MEGF11: variants seen among roughly 807,000 people sequenced by gnomAD.
MEGF11 encodes multiple epidermal growth factor-like domains protein 11.
Under a neutral mutation model 146.6 loss-of-function variants are expected in MEGF11, and 126 were observed. That is an observed-to-expected ratio of 0.86 (90% CI 0.74 to 1.00). The LOEUF (loss-of-function observed/expected upper bound fraction) is 1.00. Among genes scored for constraint, MEGF11 ranks in the 50% least tolerant of loss-of-function variants. MEGF11 has a pLI of 0.00. For synonymous variants in MEGF11, 532 were observed against 583.4 expected (o/e 0.91, Z 1.27); for missense variants, 1,509 against 1,521.2 (o/e 0.99, Z 0.13).
At chr15:65,942,752 T>G (rs1293346821) in intron 10 of MEGF11, among the ~76,000 whole-genome samples, 1 of 151,966 alleles carries the variant, frequency 6.6e-6, no homozygotes, top group African/African-American at 2.4e-5. Flanking sequence ...GGGGTGAGGA[T>G]GGTTATGGCC....
At chr15:66,109,573 G>A (rs2087277506) in intron 4 of MEGF11, among the ~76,000 whole-genome samples, 1 of 152,218 alleles carries the variant, frequency 6.6e-6, no homozygotes, top group Admixed American at 6.5e-5. Context: ...AGATGAGAAA[G>A]CCGAGGTATG....
intron 9 of MEGF11, among the ~76,000 whole-genome samples, chr15:65,961,404 A>G (rs2080852953): frequency 6.6e-6 from 1 of 152,216 alleles, no homozygotes; most frequent in African/African-American, 2.4e-5. Flanking sequence ...TTCAGCTGCT[A>G]TGAGATTTCT....
At chr15:66,113,905 G>T (rs149790318) in intron 4 of MEGF11, among the ~76,000 whole-genome samples, 4 of 151,596 alleles carry the variant, frequency 2.6e-5, no homozygotes, top group African/African-American at 9.7e-5. Flanking sequence ...AAAAGAAACC[G>T]TTGCCTAGTG....
In MEGF11 at chr15:65,993,169, C is replaced by T. The variant is rs192388042; in HGVS notation, c.395-10681G>A. Among the ~76,000 whole-genome samples, 3 of 152,324 alleles carry T rather than the reference C, an allele frequency of 2.0e-5. No homozygotes were observed. The East Asian group carries it at 5.8e-4, about 29-fold the overall frequency. On this transcript the variant is annotated intron_variant, in intron 5 of 25. Coordinates refer to ENST00000395614, the MANE Select transcript of MEGF11 (RefSeq NM_001385028.1). ...TCCAAGTCAGCACTCATGCACCACC[C>T]CCAACCTCTGTCCTGTGGCATTTAT...
At chr15:66,130,730 G>GAGGAAGGAAGGAAGGAAGGAAGGAAGGA (rs137881134) in intron 1 of MEGF11, among the ~76,000 whole-genome samples, 3 of 141,068 alleles carry the variant, frequency 2.1e-5, no homozygotes, top group Admixed American at 7.2e-5. Flanking sequence ...AAGAGGGAGG[G>GAGGAAGGAAGGAAGGAAGGAAGGAAGGA]AGGAAGGAAG....
rs138267008 is a variant in MEGF11 at position 66,123,919 on chromosome 15, C to A, written c.180G>T (p.Trp60Cys). Residue 60 changes from tryptophan to cysteine, a missense_variant, in exon 3 of 26, where the codon TGG (tryptophan) becomes TGT (cysteine). Trp to Cys is a radical substitution (Grantham distance 215, BLOSUM62 -2). Transcript: ENST00000395614. ...YYTRCTDILNWFKCTRHRISY... is the reference protein window; with the variant it reads ...YYTRCTDILNCFKCTRHRISY... ...CTCACCGGTGCCTGGTGCACTTGAA[C>A]CAGTTGAGGATGTCTGTGCATCGTG... The A allele has an allele frequency of 2.5e-6, 4 of 1,613,934 alleles. No individual in the cohort carries two copies. The highest frequency in any genetic ancestry group is 3.4e-6 in the Non-Finnish European group (4 of 1,179,790).
chr15:65,976,720 G>T (rs2081460861), intron 7 of MEGF11, among the ~76,000 whole-genome samples: 1 of 152,230 alleles, frequency 6.6e-6, no homozygotes, highest in Admixed American at 6.5e-5. Flanking sequence ...AGTTAAGTGT[G>T]TATCTCCAAT....
chr15:66,009,642 G>A (rs1240743940), intron 5 of MEGF11, among the ~76,000 whole-genome samples: 1 of 150,928 alleles, frequency 6.6e-6, no homozygotes, highest in South Asian at 2.1e-4. Flanking sequence ...GCCCAGGCTG[G>A]AGTGCAGTGG....
chr15:66,242,259 A>C (rs763324533), intron 1 of MEGF11, among the ~76,000 whole-genome samples: 4 of 151,828 alleles, frequency 2.6e-5, no homozygotes, highest in Non-Finnish European at 5.9e-5. Context: ...AAAATAAAAA[A>C]TTATCCTGGC....
intron 24 of MEGF11, among the ~76,000 whole-genome samples, chr15:65,904,998 T>C (rs2078584959): frequency 6.6e-6 from 1 of 152,214 alleles, no homozygotes; most frequent in South Asian, 2.1e-4. Context: ...CTTCAAGCAA[T>C]TCTTGTGCCT....
chr15:65,898,011 G>A lies in MEGF11; in HGVS notation c.3346C>T (p.His1116Tyr). The A allele has an allele frequency of 6.2e-7, 1 of 1,613,880 alleles. No individual in the cohort carries two copies. The highest frequency in any genetic ancestry group is 1.1e-5 in the South Asian group (1 of 91,072). ...AGGAGGTCATAATGACCAGGAATAT[G>A]GCTGTTCCTAGGTAGGTCGTATGCA... is the stretch of plus-strand genomic sequence containing the variant. ...QNAYDLPRNS[H>Y]IPGHYDLLPV... The change falls in exon 26 of 26, where the codon CAT (histidine) becomes TAT (tyrosine). Residue 1116 changes from histidine to tyrosine, a missense_variant. Transcript: ENST00000395614.
chr15:66,044,869 A>G lies in MEGF11; in HGVS notation c.394+49533T>C, dbSNP rs1015322782. Among the ~76,000 whole-genome samples, 129 of 150,332 alleles carry G rather than the reference A, an allele frequency of 8.6e-4. 4 individuals carry two copies. In the East Asian group the frequency reaches 0.019, roughly 22 times the overall value. Reference sequence around the variant, plus strand: ...TTATCTCAAAAAAAAAAAAAAAAAAAAAAAAAAAAAAGAAATTGAACTGGA... The same window carrying G: ...TTATCTCAAAAAAAAAAAAAAAAAAGAAAAAAAAAAAGAAATTGAACTGGA... On this transcript the variant is annotated intron_variant, in intron 5 of 25. Coordinates refer to ENST00000395614, the MANE Select transcript of MEGF11 (RefSeq NM_001385028.1).
chr15:66,220,242 C>A (rs947892727), intron 1 of MEGF11, among the ~76,000 whole-genome samples: 4 of 151,582 alleles, frequency 2.6e-5, no homozygotes, highest in Non-Finnish European at 5.9e-5. Context: ...GTTTTAAGAA[C>A]CCCCCACCCC....
chr15:65,993,448 C>T (rs2082114045), intron 5 of MEGF11, among the ~76,000 whole-genome samples: 1 of 152,214 alleles, frequency 6.6e-6, no homozygotes, highest in Non-Finnish European at 1.5e-5. Flanking sequence ...AGCTTCCCAG[C>T]CCCAAAGACC....
chr15:66,016,098 C>A (rs1349837446), intron 5 of MEGF11, among the ~76,000 whole-genome samples: 2 of 152,050 alleles, frequency 1.3e-5, no homozygotes, highest in Non-Finnish European at 2.9e-5. Flanking sequence ...ATAGAATTAT[C>A]TTTTCCTTCT....
intron 23 of MEGF11, among the ~76,000 whole-genome samples, chr15:65,907,159 C>T (rs1280280721): frequency 6.6e-6 from 1 of 152,222 alleles, no homozygotes; most frequent in Non-Finnish European, 1.5e-5. Flanking sequence ...GAAGACCACC[C>T]TGTTGCTATC....
intron 1 of MEGF11, among the ~76,000 whole-genome samples, chr15:66,234,757 T>C (rs1405589975): frequency 6.6e-6 from 1 of 152,236 alleles, no homozygotes; most frequent in Non-Finnish European, 1.5e-5. Flanking sequence ...TGCTGCCCCA[T>C]AAATCTCCAG....
intron 16 of MEGF11, 94 bp downstream of exon 16, chr15:65,917,872 G>T: frequency 2.7e-6 from 4 of 1,465,424 alleles, no homozygotes; most frequent in Non-Finnish European, 3.8e-6. Context: ...ATCCCTGGAA[G>T]TGGAGGCACC....
chr15:66,148,424 A>G (rs1161259869), intron 1 of MEGF11, among the ~76,000 whole-genome samples: 3 of 151,958 alleles, frequency 2.0e-5, no homozygotes, highest in South Asian at 2.1e-4. Context: ...GTTAGGAGAA[A>G]GAAAAGTCAG....
Sources: allele counts gnomAD v4.1 joint callset (sites outside exome capture counted in the v4.1 genomes callset), GRCh38; gene constraint gnomAD v4.1.1; transcripts MANE v1.5; gene names NCBI Gene and HGNC (gene_info 2026-07-23, HGNC 2026-07-21).